The following HOXC11 variants were observed in gnomAD, a reference collection of about 807,000 sequenced individuals.
HOXC11 encodes homeobox protein Hox-C11.
HOXC11 carries 17 observed loss-of-function variants against 23.6 expected under a neutral mutation model. The ratio of observed to expected loss-of-function variants is 0.72; its 90% CI spans 0.49 to 1.08. The LOEUF (loss-of-function observed/expected upper bound fraction) is 1.08. Ranked by LOEUF, HOXC11 falls within the 50% of genes least tolerant of loss-of-function variation. HOXC11 has a pLI of 0.00. For missense variants in HOXC11, 413 were observed against 412.1 expected (o/e 1.00, Z -0.02); for synonymous variants, 196 against 183.8 (o/e 1.07, Z -0.54).
At position 53,973,427 on chromosome 12, in the gene HOXC11, C is replaced by T. The variant is rs752730449; in HGVS notation, c.186C>T (p.Pro62=). 6 of 1,614,230 alleles carry T rather than the reference C, an allele frequency of 3.7e-6. No homozygotes were observed. Among genetic ancestry groups the T allele is most frequent in the Admixed American group, 1.7e-5 (1 of 60,034 alleles). ...PQAPSRQISY[P]YSAQVPPVRE... is the part of the protein sequence containing the mutation. ...CCCCCTCTCGTCAGATCTCCTATCC[C>T]TACTCGGCCCAAGTGCCCCCGGTCC... The change falls in exon 1 of 2, where the codon CCC becomes CCT. Residue 62 remains proline (P), a synonymous_variant. Coordinates refer to ENST00000546378, the MANE Select transcript of HOXC11 (RefSeq NM_014212.4). The surrounding 1 kb of genome is among the most constrained non-coding windows in gnomAD (Gnocchi z 4.3).
intron 1 of HOXC11, 160 bp from the exon 2 acceptor site, chr12:53,975,021 C>T: frequency 1.7e-6 from 1 of 584,668 alleles, no homozygotes; most frequent in Non-Finnish European, 3.0e-6. Context: ...TCGAGGCTTG[C>T]CCGGGTGCTG....
rs1939241932 is a variant in HOXC11, at chr12:53,975,581, CTCTA to C, written c.*172_*175del. 1 of 666,700 alleles carries C rather than the reference CTCTA, an allele frequency of 1.5e-6. No individual in the cohort carries two copies. The highest frequency in any genetic ancestry group is 2.7e-6 in the Non-Finnish European group (1 of 374,316). 41.3% of individuals were successfully genotyped at this position (666,700 alleles called of 1,614,324 possible). On this transcript the variant is annotated 3_prime_UTR_variant, in exon 2 of 2. Transcript: ENST00000546378. ...ACTCCATTCCGGAACCTCCTGGACC[CTCTA>C]TCTGACTCTCGCTGTGGGACAGGGA...
In HOXC11 at chr12:53,975,495, T is replaced by C; in HGVS notation, c.*82T>C. 1.0e-6 allele frequency: 1 copy of C among 993,630 alleles called. No individual in the cohort carries two copies. The highest frequency in any genetic ancestry group is 1.4e-5 in the South Asian group (1 of 71,976). 61.6% of individuals were successfully genotyped at this position (993,630 alleles called of 1,614,324 possible). A position where few individuals can be genotyped will look rare whatever the true frequency, so the allele number is the denominator to read the frequency against. On this transcript the variant is annotated 3_prime_UTR_variant, in exon 2 of 2. Coordinates refer to ENST00000546378, the MANE Select transcript of HOXC11 (RefSeq NM_014212.4). ...TTTATTTTTTATTTTCTAACTCGTC[T>C]TCTTTCCGCCGGTGGAAAACTGGAC...
Position 53,975,724 on chromosome 12 carries a change from G to C in HOXC11, c.*311G>C. 1.8e-6 allele frequency: 1 copy of C among 548,490 alleles called. No homozygotes were observed. Among genetic ancestry groups the C allele is most frequent in the Non-Finnish European group, 3.2e-6 (1 of 312,186 alleles). 34.0% of individuals were successfully genotyped at this position (548,490 alleles called of 1,614,324 possible). A position where few individuals can be genotyped will look rare whatever the true frequency, so the allele number is the denominator to read the frequency against. The stretch of plus-strand genomic sequence containing the variant: ...AAACACACCTCGGCGACAATGTCTT[G>C]CTGCTCGGATTAGGTGGGGGAGGGG... On this transcript the variant is annotated 3_prime_UTR_variant, in exon 2 of 2. Transcript: ENST00000546378.
rs1384169211 is a variant in HOXC11 at position 53,975,778 on chromosome 12, A to G, written c.*365A>G. On this transcript the variant is annotated 3_prime_UTR_variant, in exon 2 of 2. Coordinates refer to ENST00000546378, the MANE Select transcript of HOXC11 (RefSeq NM_014212.4). ...CAGTAGTGAGCGCCTGAGCCGAACAATCCTCGAACTAAAAGCCTTCCCTTG... is the reference window on the plus strand; with the variant it reads ...CAGTAGTGAGCGCCTGAGCCGAACAGTCCTCGAACTAAAAGCCTTCCCTTG... The G allele has an allele frequency of 2.0e-6, 1 of 492,046 alleles. No individual in the cohort carries two copies. The highest frequency in any genetic ancestry group is 3.8e-5 in the Admixed American group (1 of 26,490). The allele number at this position is 492,046 out of a possible 1,614,324, so 30.5% of individuals were successfully genotyped here. A position where few individuals can be genotyped will look rare whatever the true frequency, so the allele number is the denominator to read the frequency against.
chr12:53,973,385 C>T lies in HOXC11; in HGVS notation c.144C>T (p.Ser48=). Residue 48 remains serine (S), a synonymous_variant, in exon 1 of 2, where the codon TCC becomes TCT. Coordinates refer to ENST00000546378, the MANE Select transcript of HOXC11 (RefSeq NM_014212.4). This position sits in a 1 kb window ranked among gnomAD's most constrained non-coding sequence, Gnocchi z 4.3. ...ACATGCCCGAGTTCTCCACGGTCTC[C>T]TCCTTCCTGCCCCAGGCCCCCTCTC... ...TYYMPEFSTV[S]SFLPQAPSRQ... 1 of 1,614,232 alleles carries T rather than the reference C, an allele frequency of 6.2e-7. No homozygotes were observed. The highest frequency in any genetic ancestry group is 8.5e-7 in the Non-Finnish European group (1 of 1,180,048).
Position 53,976,260 on chromosome 12 carries a change from G to A in HOXC11, c.*847G>A. On this transcript the variant is annotated 3_prime_UTR_variant, in exon 2 of 2. Coordinates refer to ENST00000546378, the MANE Select transcript of HOXC11 (RefSeq NM_014212.4). ...TCCCAAGCGTTTCTTTCCACCTGGA[G>A]GGAAAGGGGGGGACGCCCCCAGTGA... 4.5e-6 allele frequency: 1 copy of A among 223,800 alleles called. No homozygotes were observed. The highest frequency in any genetic ancestry group is 8.9e-6 in the Non-Finnish European group (1 of 111,968). 13.9% of individuals were successfully genotyped at this position (223,800 alleles called of 1,614,324 possible).
rs768935038 is a variant in HOXC11 at position 53,976,127 on chromosome 12, C to CTTTTTTTTTTTTTTTTTTTTT, written c.*730_*731insTTTTTTTTTTTTTTTTTTTTT. On this transcript the variant is annotated 3_prime_UTR_variant, in exon 2 of 2. Transcript: ENST00000546378. Reference sequence around the variant, plus strand: ...GCTATAGTCTATGCAGTCGTTACCTCTTTTTTTTTTTTTTTTAAGAAAATT... The same window carrying CTTTTTTTTTTTTTTTTTTTTT: ...GCTATAGTCTATGCAGTCGTTACCTCTTTTTTTTTTTTTTTTTTTTTTTTTTTTTTTTTTTTTAAGAAAATT... 5.9e-6 allele frequency: 1 copy of CTTTTTTTTTTTTTTTTTTTTT among 170,466 alleles called. No homozygotes were observed. 10.6% of individuals were successfully genotyped at this position (170,466 alleles called of 1,614,324 possible).
chr12:53,973,328 C>T lies in HOXC11; in HGVS notation c.87C>T (p.Ala29=), dbSNP rs777910326. The T allele has an allele frequency of 7.4e-6, 12 of 1,614,126 alleles. No homozygotes were observed. The East Asian group carries it at 1.3e-4, about 18-fold the overall frequency. ...GADFGERGSC[A]SNLYLPSCTY... The stretch of plus-strand genomic sequence containing the variant: ...ATTTCGGCGAGCGAGGGAGCTGCGC[C>T]TCCAACCTCTATCTGCCCAGTTGCA... The change falls in exon 1 of 2, where the codon GCC becomes GCT. Residue 29 remains alanine (A), a synonymous_variant. Transcript: ENST00000546378. This position sits in a 1 kb window ranked among gnomAD's most constrained non-coding sequence, Gnocchi z 4.3.
rs1253653142 is a variant in HOXC11, at chr12:53,975,593, C to A, written c.*180C>A. On this transcript the variant is annotated 3_prime_UTR_variant, in exon 2 of 2. Coordinates refer to ENST00000546378, the MANE Select transcript of HOXC11 (RefSeq NM_014212.4). ...AACCTCCTGGACCCTCTATCTGACT[C>A]TCGCTGTGGGACAGGGACCGGGCCT... is the stretch of plus-strand genomic sequence containing the variant. 1.5e-6 allele frequency: 1 copy of A among 660,532 alleles called. No homozygotes were observed. The highest frequency in any genetic ancestry group is 2.5e-5 in the Admixed American group (1 of 39,436). 40.9% of individuals were successfully genotyped at this position (660,532 alleles called of 1,614,324 possible).
Position 53,975,676 on chromosome 12 carries a change from G to T in HOXC11, c.*263G>T, listed in dbSNP as rs553796710. On this transcript the variant is annotated 3_prime_UTR_variant, in exon 2 of 2. Coordinates refer to ENST00000546378, the MANE Select transcript of HOXC11 (RefSeq NM_014212.4). ...GGCGAGTGAACACCGTTGGCGCCGA[G>T]GCCAAGACTTTGATTTAAAAGAAAA... 146 of 574,470 alleles carry T rather than the reference G, an allele frequency of 2.5e-4. No individual in the cohort carries two copies. The highest frequency in any genetic ancestry group is 4.2e-4 in the Non-Finnish European group (138 of 325,288). The allele number at this position is 574,470 out of a possible 1,614,324, so 35.6% of individuals were successfully genotyped here. A position where few individuals can be genotyped will look rare whatever the true frequency, so the allele number is the denominator to read the frequency against.
rs745410942 is a variant in HOXC11, at chr12:53,973,285, G to T, written c.44G>T (p.Arg15Leu). 4.2e-5 allele frequency: 68 copies of T among 1,613,394 alleles called. No individual in the cohort carries two copies. The Admixed American group carries it at 9.3e-4, about 22-fold the overall frequency. Reference protein sequence around the residue: ...VNLGNFCSPSRKERGADFGER... With the variant: ...VNLGNFCSPSLKERGADFGER... The stretch of plus-strand genomic sequence containing the variant: ...CTGGGCAACTTCTGCTCTCCGTCGC[G>T]CAAGGAGAGGGGCGCAGATTTCGGC... The change falls in exon 1 of 2, where the codon CGC becomes CTC. Residue 15 changes from arginine to leucine, a missense_variant. By Grantham distance (102) the Arg-to-Leu change is moderately radical. Coordinates refer to ENST00000546378, the MANE Select transcript of HOXC11 (RefSeq NM_014212.4). This position sits in a 1 kb window ranked among gnomAD's most constrained non-coding sequence, Gnocchi z 4.3.
intron 1 of HOXC11, among the ~76,000 whole-genome samples, chr12:53,974,151 A>T (rs934527333): frequency 6.6e-6 from 1 of 152,054 alleles, no homozygotes; most frequent in Non-Finnish European, 1.5e-5. Flanking sequence ...GGGAGGGAAA[A>T]GGGCTCTTTG....
Position 53,975,795 on chromosome 12 carries a change from C to A in HOXC11, c.*382C>A. 2.1e-6 allele frequency: 1 copy of A among 467,974 alleles called. No homozygotes were observed. The highest frequency in any genetic ancestry group is 3.7e-6 in the Non-Finnish European group (1 of 267,988). The allele number at this position is 467,974 out of a possible 1,614,324, so 29.0% of individuals were successfully genotyped here. On this transcript the variant is annotated 3_prime_UTR_variant, in exon 2 of 2. Coordinates refer to ENST00000546378, the MANE Select transcript of HOXC11 (RefSeq NM_014212.4). ...GCCGAACAATCCTCGAACTAAAAGCCTTCCCTTGCCCATGTGAAAAGATCC... is the reference window on the plus strand; with the variant it reads ...GCCGAACAATCCTCGAACTAAAAGCATTCCCTTGCCCATGTGAAAAGATCC...
chr12:53,976,866 T>C lies in HOXC11; in HGVS notation c.*1453T>C, dbSNP rs1383293154. 2.0e-5 allele frequency: 3 copies of C among 152,034 alleles called. No homozygotes were observed. Among genetic ancestry groups the C allele is most frequent in the African/African-American group, 7.2e-5 (3 of 41,388 alleles). 9.4% of individuals were successfully genotyped at this position (152,034 alleles called of 1,614,324 possible). On this transcript the variant is annotated 3_prime_UTR_variant, in exon 2 of 2. Coordinates refer to ENST00000546378, the MANE Select transcript of HOXC11 (RefSeq NM_014212.4). The stretch of plus-strand genomic sequence containing the variant: ...TGGAGGTTAGGGCTTTTTTTTTTTT[T>C]TCTCTAGGAGAAATCTGTATTGGAA...
Position 53,973,147 on chromosome 12 carries a change from A to T in HOXC11, c.-95A>T. On this transcript the variant is annotated 5_prime_UTR_variant, in exon 1 of 2. Coordinates refer to ENST00000546378, the MANE Select transcript of HOXC11 (RefSeq NM_014212.4). The surrounding 1 kb of genome is among the most constrained non-coding windows in gnomAD (Gnocchi z 4.3). Reference sequence around the variant, plus strand: ...TCACGTGCTCAGAGAGAGAGAGACTAAGACGGATAACGCGTCATCTCGCCT... The same window carrying T: ...TCACGTGCTCAGAGAGAGAGAGACTTAGACGGATAACGCGTCATCTCGCCT... The T allele has an allele frequency of 1.1e-6, 1 of 907,668 alleles. No individual in the cohort carries two copies. The highest frequency in any genetic ancestry group is 1.7e-6 in the Non-Finnish European group (1 of 604,016). The allele number at this position is 907,668 out of a possible 1,614,324, so 56.2% of individuals were successfully genotyped here. A position where few individuals can be genotyped will look rare whatever the true frequency, so the allele number is the denominator to read the frequency against.
Position 53,977,573 on chromosome 12 carries a change from C to T in HOXC11, c.*2160C>T, listed in dbSNP as rs1251709441. ...ATTTAACTCGGTGTGCCTATGGGTGCACATAAGAAGGAATATTATTTATAT... is the reference window on the plus strand; with the variant it reads ...ATTTAACTCGGTGTGCCTATGGGTGTACATAAGAAGGAATATTATTTATAT... On this transcript the variant is annotated 3_prime_UTR_variant, in exon 2 of 2. Coordinates refer to ENST00000546378, the MANE Select transcript of HOXC11 (RefSeq NM_014212.4). The T allele has an allele frequency of 6.6e-6, 1 of 152,110 alleles. No individual in the cohort carries two copies. The highest frequency in any genetic ancestry group is 2.4e-5 in the African/African-American group (1 of 41,412). 9.4% of individuals were successfully genotyped at this position (152,110 alleles called of 1,614,324 possible). A position where few individuals can be genotyped will look rare whatever the true frequency, so the allele number is the denominator to read the frequency against.
chr12:53,974,960 C>T (rs1185004523), intron 1 of HOXC11: 57 of 524,270 alleles, frequency 1.1e-4, no homozygotes, highest in Non-Finnish European at 1.6e-4. Context: ...GAACTGGGGA[C>T]GGGGTGGCGC....
At chr12:53,975,082 A>G in intron 1 of HOXC11, 99 bp from the exon 2 acceptor site, 1 of 608,156 alleles carries the variant, frequency 1.6e-6, no homozygotes, top group Non-Finnish European at 2.9e-6. Context: ...GCGGTGGGCT[A>G]GGAGAAGGGC....
Sources: gnomAD v4.1 joint callset for allele counts (sites outside exome capture counted in the v4.1 genomes callset) on GRCh38, gnomAD v4.1.1 for gene constraint, Gnocchi (gnomAD v3.1) non-coding constraint, MANE v1.5 for transcripts, NCBI Gene and HGNC (gene_info 2026-07-23, HGNC 2026-07-21) for gene names.